FOXL2: variants seen among roughly 807,000 people sequenced by gnomAD.
FOXL2 encodes the protein forkhead box L2.
A neutral mutation model predicts 2.5 loss-of-function variants in FOXL2; 3 were observed. The ratio of observed to expected loss-of-function variants is 1.20; its 90% confidence interval spans 0.55 to 3.11. The LOEUF is 3.11. FOXL2 is among the 30% of genes most tolerant of loss of function. The probability of loss-of-function intolerance (pLI) is 0.03; values close to 1 mark genes in which losing one functional copy is unlikely to be tolerated. For synonymous variants in FOXL2, 315 were observed against 269.4 expected, an observed-to-expected ratio of 1.17 and a Z score of -1.66; for missense variants, 512 against 570.0, an observed-to-expected ratio of 0.90 and a Z score of 1.04.
Position 138,946,869 on chromosome 3 carries a change from G to A in FOXL2, c.-147C>T. Reference sequence around the variant, plus strand: ...TGCCGCCCGCGCTTGCTTGCTGGAGGCCTGTCGCTGCTCTCCCCTCTCCTT... The same window carrying A: ...TGCCGCCCGCGCTTGCTTGCTGGAGACCTGTCGCTGCTCTCCCCTCTCCTT... On this transcript the variant is annotated 5_prime_UTR_variant, in exon 1 of 1. Coordinates refer to ENST00000648323, the MANE Select transcript of FOXL2 (RefSeq NM_023067.4). 1 of 1,180,516 alleles carries A rather than the reference G, an allele frequency of 8.5e-7. No individual in the cohort carries two copies. The highest frequency in any genetic ancestry group is 1.2e-6 in the Non-Finnish European group (1 of 845,072). The allele number at this position is 1,180,516 out of a possible 1,614,324, so 73.1% of individuals were successfully genotyped here.
chr3:138,947,084 C>G lies in FOXL2; in HGVS notation c.-362G>C. The G allele has an allele frequency of 2.6e-6, 1 of 383,536 alleles. No individual in the cohort carries two copies. The highest frequency in any genetic ancestry group is 4.7e-6 in the Non-Finnish European group (1 of 211,894). 23.8% of individuals were successfully genotyped at this position (383,536 alleles called of 1,614,324 possible). A position where few individuals can be genotyped will look rare whatever the true frequency, so the allele number is the denominator to read the frequency against. ...GTTTCCCGAAGCACGACCCGCGTCTCTGGCGGAGCTGCCTCCTGGAGTCCC... is the reference window on the plus strand; with the variant it reads ...GTTTCCCGAAGCACGACCCGCGTCTGTGGCGGAGCTGCCTCCTGGAGTCCC... On this transcript the variant is annotated 5_prime_UTR_variant, in exon 1 of 1. Transcript: ENST00000648323. The surrounding 1 kb of genome is among the most constrained non-coding windows in gnomAD (Gnocchi z 5.2).
In FOXL2 at chr3:138,947,128, G is replaced by A. The variant is rs1936000796; in HGVS notation, c.-406C>T. Reference sequence around the variant, plus strand: ...GAGTCCCTAGTGCGCCAGGAGCCTCGCTCTGTTCTGATTCGTATGGGCTCC... The same window carrying A: ...GAGTCCCTAGTGCGCCAGGAGCCTCACTCTGTTCTGATTCGTATGGGCTCC... On this transcript the variant is annotated 5_prime_UTR_variant, in exon 1 of 1. Coordinates refer to ENST00000648323, the MANE Select transcript of FOXL2 (RefSeq NM_023067.4). The surrounding 1 kb of genome is among the most constrained non-coding windows in gnomAD (Gnocchi z 5.2). 3 of 531,504 alleles carry A rather than the reference G, an allele frequency of 5.6e-6. No individual in the cohort carries two copies. Among genetic ancestry groups the A allele is most frequent in the Non-Finnish European group, 9.9e-6 (3 of 303,566 alleles). 32.9% of individuals were successfully genotyped at this position (531,504 alleles called of 1,614,324 possible).
rs2107744671 is a variant in FOXL2, at chr3:138,946,396, G to A, written c.327C>T (p.Asn109=). The part of the protein sequence containing the change: ...QNSIRHNLSL[N]ECFIKVPREG... ...CGCGCGGCACCTTGATGAAGCACTC[G>A]TTGAGGCTGAGGTTGTGGCGGATGC... is the stretch of plus-strand genomic sequence containing the variant. The change falls in exon 1 of 1, where the codon AAC becomes AAT. Residue 109 remains asparagine, a synonymous_variant. Transcript: ENST00000648323. 2 of 1,614,134 alleles carry A rather than the reference G, an allele frequency of 1.2e-6. No individual in the cohort carries two copies. The highest frequency in any genetic ancestry group is 1.7e-6 in the Non-Finnish European group (2 of 1,180,004).
At position 138,945,557 on chromosome 3, in the gene FOXL2, C is replaced by T. The variant is rs1300378036; in HGVS notation, c.*35G>A. 6.3e-6 allele frequency: 10 copies of T among 1,596,814 alleles called. No individual in the cohort carries two copies. In the African/African-American group the frequency reaches 1.3e-4, roughly 21 times the overall value. On this transcript the variant is annotated 3_prime_UTR_variant, in exon 1 of 1. Transcript: ENST00000648323. ...GGGCCGGCGTCGCGCGTCCCTGCATCCTCGCATCCGTCTGCACCGGCATGC... is the reference window on the plus strand; with the variant it reads ...GGGCCGGCGTCGCGCGTCCCTGCATTCTCGCATCCGTCTGCACCGGCATGC...
In FOXL2 at chr3:138,945,790, G is replaced by A. The variant is rs1412047946; in HGVS notation, c.933C>T (p.His311=). The A allele has an allele frequency of 3.4e-6, 4 of 1,175,848 alleles. No individual in the cohort carries two copies. The African/African-American group carries it at 6.5e-5, about 19-fold the overall frequency. The allele number at this position is 1,175,848 out of a possible 1,614,324, so 72.8% of individuals were successfully genotyped here. The change falls in exon 1 of 1, where the codon CAC becomes CAT. Residue 311 remains histidine (H), a synonymous_variant. Transcript: ENST00000648323. Reference sequence around the variant, plus strand: ...CCGGCGGCGGCGCGGCGGCCCCGTGGTGCGGTGGGGCAGGCGGCGGTGCGG... The same window carrying A: ...CCGGCGGCGGCGCGGCGGCCCCGTGATGCGGTGGGGCAGGCGGCGGTGCGG... ...AAAAPPPAPP[H]HGAAAPPPGQ...
In FOXL2 at chr3:138,946,943, C is replaced by T. The variant is rs1935992755; in HGVS notation, c.-221G>A. ...GCGGGAGTGGAGCTCAGCCTCTGGC[C>T]ATGGGGAGTCCGCCCAACAGAGAGG... is the stretch of plus-strand genomic sequence containing the variant. On this transcript the variant is annotated 5_prime_UTR_variant, in exon 1 of 1. An upstream start codon of the reference 5' UTR is lost. Transcript: ENST00000648323. 1 of 663,270 alleles carries T rather than the reference C, an allele frequency of 1.5e-6. No homozygotes were observed. Among genetic ancestry groups the T allele is most frequent in the Admixed American group, 3.2e-5 (1 of 31,420 alleles). 41.1% of individuals were successfully genotyped at this position (663,270 alleles called of 1,614,324 possible).
Position 138,946,775 on chromosome 3 carries a change from T to C in FOXL2, c.-53A>G. On this transcript the variant is annotated 5_prime_UTR_variant, in exon 1 of 1. Coordinates refer to ENST00000648323, the MANE Select transcript of FOXL2 (RefSeq NM_023067.4). Reference sequence around the variant, plus strand: ...CGCCTCTGCTCTCCGCTCCAGGCGCTGGCGCGGCAAAGAGTTGGGGCGCAC... The same window carrying C: ...CGCCTCTGCTCTCCGCTCCAGGCGCCGGCGCGGCAAAGAGTTGGGGCGCAC... 1.3e-6 allele frequency: 2 copies of C among 1,541,554 alleles called. No individual in the cohort carries two copies. The highest frequency in any genetic ancestry group is 1.7e-6 in the Non-Finnish European group (2 of 1,144,258).
chr3:138,945,239 G>GAGT lies in FOXL2; in HGVS notation c.*352_*353insACT. ...CAAGAGGTCTGCGCTGCCGACGCCC[G>GAGT]GTCGCACCTCCGCCCCGGGCCCTTT... On this transcript the variant is annotated 3_prime_UTR_variant, in exon 1 of 1. Transcript: ENST00000648323. 2 of 245,948 alleles carry GAGT rather than the reference G, an allele frequency of 8.1e-6. No homozygotes were observed. Among genetic ancestry groups the GAGT allele is most frequent in the South Asian group, 1.6e-4 (1 of 6,312 alleles). 15.2% of individuals were successfully genotyped at this position (245,948 alleles called of 1,614,324 possible). A position where few individuals can be genotyped will look rare whatever the true frequency, so the allele number is the denominator to read the frequency against.
In FOXL2 at chr3:138,945,692, T is replaced by C; in HGVS notation, c.1031A>G (p.Gln344Arg). ...CTCGGGCTGCCGGGCACAAGCGAAC[T>C]GCAGGCCCGGCGCACTGGTGGGCGC... ...APAPTSAPGL[Q>R]FACARQPELA... Residue 344 changes from glutamine to arginine, a missense_variant, in exon 1 of 1, where the codon CAG (glutamine) becomes CGG (arginine). Around this residue, in one of 5 missense-constraint regions of FOXL2, gnomAD observed 66 missense variants for 58.3 expected, o/e 1.13. Transcript: ENST00000648323. The C allele has an allele frequency of 1.3e-6, 2 of 1,562,698 alleles. No homozygotes were observed. Among genetic ancestry groups the C allele is most frequent in the Non-Finnish European group, 1.7e-6 (2 of 1,147,180 alleles).
chr3:138,945,235 G>GATGGTGAGCGTGTAGAT lies in FOXL2; in HGVS notation c.*356_*357insATCTACACGCTCACCAT. The GATGGTGAGCGTGTAGAT allele has an allele frequency of 3.9e-6, 1 of 253,838 alleles. No individual in the cohort carries two copies. The highest frequency in any genetic ancestry group is 5.0e-5 in the Admixed American group (1 of 20,066). The allele number at this position is 253,838 out of a possible 1,614,324, so 15.7% of individuals were successfully genotyped here. ...AGGCCAAGAGGTCTGCGCTGCCGAC[G>GATGGTGAGCGTGTAGAT]CCCGGTCGCACCTCCGCCCCGGGCC... On this transcript the variant is annotated 3_prime_UTR_variant, in exon 1 of 1. Transcript: ENST00000648323.
In FOXL2 at chr3:138,946,088, G is replaced by C. The variant is rs2107743843; in HGVS notation, c.635C>G (p.Pro212Arg). 1 of 1,473,170 alleles carries C rather than the reference G, an allele frequency of 6.8e-7. No homozygotes were observed. The highest frequency in any genetic ancestry group is 1.3e-5 in the South Asian group (1 of 77,248). 91.3% of individuals were successfully genotyped at this position (1,473,170 alleles called of 1,614,324 possible). Residue 212 changes from proline (P) to arginine (R), a missense_variant, in exon 1 of 1, where the codon CCC (proline) becomes CGC (arginine). By Grantham distance (103) the Pro-to-Arg change is moderately radical. Coordinates refer to ENST00000648323, the MANE Select transcript of FOXL2 (RefSeq NM_023067.4). ...NSWPLPQPPSPMPYASCQMAA... is the reference protein window; with the variant it reads ...NSWPLPQPPSRMPYASCQMAA... ...CATCTGGCAGGAGGCATAGGGCATG[G>C]GTGAGGGAGGCTGCGGTAGCGGCCA...
chr3:138,946,174 G>A lies in FOXL2; in HGVS notation c.549C>T (p.Ala183=), dbSNP rs2107744091. ...AGGCGVAGAG[A]DGYGYLAPPK... is the part of the protein sequence containing the mutation. Reference sequence around the variant, plus strand: ...GGGGCGCCAGGTAGCCGTAGCCGTCGGCCCCGGCGCCCGCCACGCCGCACC... The same window carrying A: ...GGGGCGCCAGGTAGCCGTAGCCGTCAGCCCCGGCGCCCGCCACGCCGCACC... The change falls in exon 1 of 1, where the codon GCC becomes GCT. Residue 183 remains alanine (A), a synonymous_variant. Coordinates refer to ENST00000648323, the MANE Select transcript of FOXL2 (RefSeq NM_023067.4). 1 of 1,483,432 alleles carries A rather than the reference G, an allele frequency of 6.7e-7. No individual in the cohort carries two copies. The highest frequency in any genetic ancestry group is 8.9e-7 in the Non-Finnish European group (1 of 1,123,802). 91.9% of individuals were successfully genotyped at this position (1,483,432 alleles called of 1,614,324 possible).
Position 138,945,952 on chromosome 3 carries a change from C to T in FOXL2, c.771G>A (p.Pro257=), listed in dbSNP as rs1935954308. The change falls in exon 1 of 1, where the codon CCG becomes CCA. Residue 257 remains proline, a synonymous_variant. Coordinates refer to ENST00000648323, the MANE Select transcript of FOXL2 (RefSeq NM_023067.4). The part of the protein sequence containing the change: ...GLAGPAASYG[P]YTRVQSMALP... ...GCGCCATGCTCTGCACGCGTGTGTA[C>T]GGCCCGTACGAGGCGGCCGGGCCCG... 7.1e-7 allele frequency: 1 copy of T among 1,410,890 alleles called. No individual in the cohort carries two copies. 87.4% of individuals were successfully genotyped at this position (1,410,890 alleles called of 1,614,324 possible). A position where few individuals can be genotyped will look rare whatever the true frequency, so the allele number is the denominator to read the frequency against.
Position 138,945,253 on chromosome 3 carries a change from C to A in FOXL2, c.*339G>T, listed in dbSNP as rs545366458. 4.2e-4 allele frequency: 109 copies of A among 256,856 alleles called. No homozygotes were observed. Among genetic ancestry groups the A allele is most frequent in the African/African-American group, 2.1e-3 (99 of 46,346 alleles). 15.9% of individuals were successfully genotyped at this position (256,856 alleles called of 1,614,324 possible). A position where few individuals can be genotyped will look rare whatever the true frequency, so the allele number is the denominator to read the frequency against. ...TGCCGACGCCCGGTCGCACCTCCGC[C>A]CCGGGCCCTTTCCGCGGTGAATTTG... On this transcript the variant is annotated 3_prime_UTR_variant, in exon 1 of 1. Coordinates refer to ENST00000648323, the MANE Select transcript of FOXL2 (RefSeq NM_023067.4).
In FOXL2 at chr3:138,947,125, C is replaced by G. The variant is rs1023128934; in HGVS notation, c.-403G>C. 5.8e-6 allele frequency: 3 copies of G among 516,090 alleles called. No individual in the cohort carries two copies. Among genetic ancestry groups the G allele is most frequent in the Admixed American group, 3.8e-5 (1 of 26,630 alleles). 32.0% of individuals were successfully genotyped at this position (516,090 alleles called of 1,614,324 possible). ...CTGGAGTCCCTAGTGCGCCAGGAGC[C>G]TCGCTCTGTTCTGATTCGTATGGGC... On this transcript the variant is annotated 5_prime_UTR_variant, in exon 1 of 1. Coordinates refer to ENST00000648323, the MANE Select transcript of FOXL2 (RefSeq NM_023067.4). This position sits in a 1 kb window ranked among gnomAD's most constrained non-coding sequence, Gnocchi z 5.2.
Position 138,945,555 on chromosome 3 carries a change from A to C in FOXL2, c.*37T>G. On this transcript the variant is annotated 3_prime_UTR_variant, in exon 1 of 1. Coordinates refer to ENST00000648323, the MANE Select transcript of FOXL2 (RefSeq NM_023067.4). ...CGGGGCCGGCGTCGCGCGTCCCTGC[A>C]TCCTCGCATCCGTCTGCACCGGCAT... is the stretch of plus-strand genomic sequence containing the variant. 3 of 1,594,900 alleles carry C rather than the reference A, an allele frequency of 1.9e-6. No homozygotes were observed. Among genetic ancestry groups the C allele is most frequent in the Non-Finnish European group, 2.6e-6 (3 of 1,168,826 alleles).
Position 138,946,986 on chromosome 3 carries a change from C to G in FOXL2, c.-264G>C. The G allele has an allele frequency of 1.8e-6, 1 of 559,696 alleles. No individual in the cohort carries two copies. Among genetic ancestry groups the G allele is most frequent in the East Asian group, 3.2e-5 (1 of 31,422 alleles). The allele number at this position is 559,696 out of a possible 1,614,324, so 34.7% of individuals were successfully genotyped here. The stretch of plus-strand genomic sequence containing the variant: ...CAGAGAGGGGCTCCGGCCTCGCCGC[C>G]CCTCCCCGCTCAGGCCAGTCCCCGC... On this transcript the variant is annotated 5_prime_UTR_variant, in exon 1 of 1. Coordinates refer to ENST00000648323, the MANE Select transcript of FOXL2 (RefSeq NM_023067.4).
At position 138,946,935 on chromosome 3, in the gene FOXL2, C is replaced by T; in HGVS notation, c.-213G>A. 4.2e-6 allele frequency: 3 copies of T among 717,386 alleles called. No individual in the cohort carries two copies. The highest frequency in any genetic ancestry group is 6.8e-6 in the Non-Finnish European group (3 of 441,166). The allele number at this position is 717,386 out of a possible 1,614,324, so 44.4% of individuals were successfully genotyped here. On this transcript the variant is annotated 5_prime_UTR_variant, in exon 1 of 1. Transcript: ENST00000648323. ...AGCGGCCGGCGGGAGTGGAGCTCAG[C>T]CTCTGGCCATGGGGAGTCCGCCCAA... is the stretch of plus-strand genomic sequence containing the variant.
rs1344219499 is a variant in FOXL2, at chr3:138,947,016, G to A, written c.-294C>T. On this transcript the variant is annotated 5_prime_UTR_variant, in exon 1 of 1. Coordinates refer to ENST00000648323, the MANE Select transcript of FOXL2 (RefSeq NM_023067.4). This position sits in a 1 kb window ranked among gnomAD's most constrained non-coding sequence, Gnocchi z 5.2. ...CCCGCTCAGGCCAGTCCCCGCCTTG[G>A]TGGGTTTTCTTTTCTGCGCTCTTCC... The A allele has an allele frequency of 9.2e-6, 5 of 542,986 alleles. No homozygotes were observed. Among genetic ancestry groups the A allele is most frequent in the Non-Finnish European group, 1.6e-5 (5 of 307,638 alleles). 33.6% of individuals were successfully genotyped at this position (542,986 alleles called of 1,614,324 possible).
Sources: allele counts gnomAD v4.1 joint callset, GRCh38; gene constraint gnomAD v4.1.1; regional missense constraint gnomAD v4.1.1; non-coding constraint Gnocchi (gnomAD v3.1); transcripts MANE v1.5; gene names NCBI Gene and HGNC (gene_info 2026-07-23, HGNC 2026-07-21).